PLPP3: variants seen among roughly 807,000 people sequenced by gnomAD.
PLPP3 encodes the protein PAP2 beta.
Under a neutral mutation model 29.6 loss-of-function variants are expected in PLPP3, and 6 were observed. That is an observed-to-expected ratio of 0.20 (90% CI 0.11 to 0.40). The LOEUF (loss-of-function observed/expected upper bound fraction) is 0.40, where lower values mean the gene tolerates loss of function less well. Ranked by LOEUF, PLPP3 falls within the 10% of genes least tolerant of loss-of-function variation. The pLI, the probability that PLPP3 is intolerant of heterozygous loss-of-function variation, is 1.00. For synonymous variants in PLPP3, 152 were observed against 159.7 expected (o/e 0.95, Z 0.36); for missense variants, 308 against 407.7 (o/e 0.76, Z 2.11).
In PLPP3 at chr1:56,495,689, TCA is replaced by T. The variant is rs1645626983; in HGVS notation, c.*860_*861del. Reference sequence around the variant, plus strand: ...CCATGCCTTGCTCATTCCTGGGCCCTCACAGGAAATCCTGGTGGGCACGCAGC... The same window carrying T: ...CCATGCCTTGCTCATTCCTGGGCCCTCAGGAAATCCTGGTGGGCACGCAGC... On this transcript the variant is annotated 3_prime_UTR_variant, in exon 6 of 6. Transcript: ENST00000371250. 6.6e-6 allele frequency: 1 copy of T among 152,634 alleles called. No homozygotes were observed. Among genetic ancestry groups the T allele is most frequent in the African/African-American group, 2.4e-5 (1 of 41,454 alleles). The allele number at this position is 152,634 out of a possible 1,614,324, so 9.5% of individuals were successfully genotyped here. A position where few individuals can be genotyped will look rare whatever the true frequency, so the allele number is the denominator to read the frequency against.
At chr1:56,536,489 G>C (rs899731418) in intron 2 of PLPP3, among the ~76,000 whole-genome samples, 1 of 152,034 alleles carries the variant, frequency 6.6e-6, no homozygotes, top group African/African-American at 2.4e-5. Flanking sequence ...AAACAAAGAG[G>C]GGTCTCAAAG....
intron 1 of PLPP3, among the ~76,000 whole-genome samples, chr1:56,557,026 A>AAGAGAGAGAG (rs771132203): frequency 4.2e-4 from 4 of 9,522 alleles, no homozygotes; most frequent in East Asian, 2.0e-3. Flanking sequence ...GAGAGAGAGA[A>AAGAGAGAGAG]AGAGAGAGAG....
At chr1:56,529,766 G>C (rs1048327369) in intron 2 of PLPP3, among the ~76,000 whole-genome samples, 2 of 152,142 alleles carry the variant, frequency 1.3e-5, no homozygotes, top group African/African-American at 4.8e-5. Flanking sequence ...TTTTTCAGAA[G>C]ATCAGTGCCT....
At chr1:56,533,110 A>T (rs1476166341) in intron 2 of PLPP3, among the ~76,000 whole-genome samples, 2 of 150,388 alleles carry the variant, frequency 1.3e-5, no homozygotes, top group Non-Finnish European at 2.9e-5. Context: ...GCTGGAGTGC[A>T]GTGGCATGAT....
intron 5 of PLPP3, among the ~76,000 whole-genome samples, chr1:56,501,443 T>C (rs564891545): frequency 6.6e-6 from 1 of 152,310 alleles, no homozygotes; most frequent in African/African-American, 2.4e-5. Context: ...CCATCACTTT[T>C]ATCTAATTCC....
chr1:56,526,061 G>A (rs931885437), intron 2 of PLPP3, among the ~76,000 whole-genome samples: 18 of 152,118 alleles, frequency 1.2e-4, no homozygotes, highest in African/African-American at 4.1e-4. Flanking sequence ...GCTACATTTT[G>A]TTTTCCCAGA....
intron 5 of PLPP3, among the ~76,000 whole-genome samples, chr1:56,506,950 C>A (rs1302061897): frequency 6.6e-6 from 1 of 152,178 alleles, no homozygotes; most frequent in Admixed American, 6.5e-5. Context: ...TGCAGGCAGG[C>A]CTATCCGACC....
At chr1:56,572,786 T>C (rs1297207663) in intron 1 of PLPP3, among the ~76,000 whole-genome samples, 1 of 152,188 alleles carries the variant, frequency 6.6e-6, no homozygotes, top group East Asian at 1.9e-4. Flanking sequence ...AACAGCAACT[T>C]CATTCCTACC....
At chr1:56,526,468 C>T (rs993387294) in intron 2 of PLPP3, among the ~76,000 whole-genome samples, 2 of 152,150 alleles carry the variant, frequency 1.3e-5, no homozygotes, top group African/African-American at 4.8e-5. Context: ...GATCTAATTC[C>T]CCTTTTGAAC....
intron 1 of PLPP3, among the ~76,000 whole-genome samples, chr1:56,547,508 G>A (rs1392101980): frequency 1.3e-5 from 2 of 152,156 alleles, no homozygotes; most frequent in African/African-American, 4.8e-5. Context: ...ATCAGGAATT[G>A]TTTACAGGGA....
intron 4 of PLPP3, chr1:56,512,395 T>C (rs776040358): frequency 2.2e-5 from 9 of 407,114 alleles, no homozygotes; most frequent in South Asian, 1.4e-4. Context: ...GCAGATCACC[T>C]GAGGTCAGGT....
chr1:56,496,562 TGTG>T lies in PLPP3; in HGVS notation c.922_924del (p.His308del), dbSNP rs760418890. On this transcript the variant is annotated inframe_deletion, in exon 6 of 6. Transcript: ENST00000371250. ...GAGGTGGGTGGCACCTACATCATGT[TGTG>T]GTGATTGTTCCTGTCAATAATGTCC... is the stretch of plus-strand genomic sequence containing the variant. The T allele has an allele frequency of 1.9e-6, 3 of 1,614,098 alleles. No homozygotes were observed. Among genetic ancestry groups the T allele is most frequent in the East Asian group, 4.5e-5 (2 of 44,878 alleles).
At chr1:56,504,449 A>G (rs1369117660) in intron 5 of PLPP3, among the ~76,000 whole-genome samples, 1 of 152,168 alleles carries the variant, frequency 6.6e-6, no homozygotes, top group African/African-American at 2.4e-5. Context: ...TGCTAAATGC[A>G]GTAGGAGCTG....
chr1:56,548,895 CAAA>C (rs767987345), intron 1 of PLPP3, among the ~76,000 whole-genome samples: 1 of 120,794 alleles, frequency 8.3e-6, no homozygotes. Context: ...AAGGCTATAC[CAAA>C]AAAAAAAAAA....
chr1:56,524,759 T>C lies in PLPP3; in HGVS notation c.298-205A>G, dbSNP rs1236613537. The stretch of plus-strand genomic sequence containing the variant: ...TAGTTGGGTGTTTTAAGCCCCTTTG[T>C]AACAACAAAAATATACAACCAAATA... On this transcript the variant is annotated intron_variant, in intron 2 of 5. Coordinates refer to ENST00000371250, the MANE Select transcript of PLPP3 (RefSeq NM_003713.5). The surrounding 1 kb of genome is among the most constrained non-coding windows in gnomAD (Gnocchi z 4.3). 6.6e-6 allele frequency among the ~76,000 whole-genome samples: 1 copy of C among 152,010 alleles called. No homozygotes were observed. Among genetic ancestry groups the C allele is most frequent in the Non-Finnish European group, 1.5e-5 (1 of 68,024 alleles).
At chr1:56,505,692 G>C (rs1464570406) in intron 5 of PLPP3, among the ~76,000 whole-genome samples, 1 of 152,070 alleles carries the variant, frequency 6.6e-6, no homozygotes, top group Non-Finnish European at 1.5e-5. Context: ...TTTATTGTAA[G>C]AATACTGTAT....
At chr1:56,562,333 A>G (rs1163528925) in intron 1 of PLPP3, among the ~76,000 whole-genome samples, 1 of 152,212 alleles carries the variant, frequency 6.6e-6, no homozygotes, top group Non-Finnish European at 1.5e-5. Flanking sequence ...TCGGGATTGT[A>G]GTAGTAACAA....
intron 4 of PLPP3, among the ~76,000 whole-genome samples, chr1:56,518,473 A>G (rs1033997523): frequency 1.3e-5 from 2 of 152,256 alleles, no homozygotes; most frequent in Admixed American, 1.3e-4. Flanking sequence ...CTTTCCCTAC[A>G]TTACACAGGC....
intron 1 of PLPP3, among the ~76,000 whole-genome samples, chr1:56,564,306 A>G (rs909581793): frequency 3.3e-5 from 5 of 152,182 alleles, no homozygotes; most frequent in African/African-American, 1.2e-4. Flanking sequence ...CAAAAAGGTT[A>G]GTTTCCCAGC....
Sources: gnomAD v4.1 joint callset for allele counts (sites outside exome capture counted in the v4.1 genomes callset) on GRCh38, gnomAD v4.1.1 for gene constraint, Gnocchi (gnomAD v3.1) non-coding constraint, MANE v1.5 for transcripts, NCBI Gene and HGNC (gene_info 2026-07-23, HGNC 2026-07-21) for gene names.